GABPA: variants seen among roughly 807,000 people sequenced by gnomAD.
GABPA encodes GA-binding protein alpha chain.
GABPA carries 4 observed loss-of-function variants against 59.4 expected under a neutral mutation model. The ratio of observed to expected loss-of-function variants is 0.07; its 90% CI spans 0.03 to 0.15. The LOEUF is 0.15. Ranked by LOEUF, GABPA falls within the 10% of genes least tolerant of loss-of-function variation. The pLI is 1.00. For synonymous variants in GABPA, 164 were observed against 183.1 expected, an observed-to-expected ratio of 0.90 and a Z score of 0.84; for missense variants, 251 against 543.8, an observed-to-expected ratio of 0.46 and a Z score of 5.36.
At chr21:25,763,272 AT>A (rs1394518784) in intron 7 of GABPA, 58 of 375,910 alleles carry the variant, frequency 1.5e-4, no homozygotes, top group South Asian at 2.0e-4. Flanking sequence ...CTTTTGGGGC[AT>A]TTTTCCCCCC....
chr21:25,736,661 CTGT>C (rs2035074080), intron 1 of GABPA, among the ~76,000 whole-genome samples: 1 of 152,170 alleles, frequency 6.6e-6, no homozygotes, highest in East Asian at 1.9e-4. Context: ...TAAATTAAAA[CTGT>C]TGACTTTAGC....
At chr21:25,754,922 A>G (rs2035597509) in intron 5 of GABPA, among the ~76,000 whole-genome samples, 2 of 151,970 alleles carry the variant, frequency 1.3e-5, no homozygotes, top group South Asian at 4.1e-4. Flanking sequence ...GTGGTGGTAC[A>G]TGCCTGTAAT....
intron 6 of GABPA, among the ~76,000 whole-genome samples, chr21:25,759,013 T>A (rs569110363): frequency 6.6e-6 from 1 of 152,104 alleles, no homozygotes; most frequent in East Asian, 1.9e-4. Flanking sequence ...GAGGTTGCAG[T>A]GAGCTGAGAC....
rs2036018797 is a variant in GABPA, at chr21:25,772,020, T to G, written c.*2788T>G. The G allele has an allele frequency of 6.6e-6, 1 of 152,116 alleles. No individual in the cohort carries two copies. Among genetic ancestry groups the G allele is most frequent in the Non-Finnish European group, 1.5e-5 (1 of 67,930 alleles). 9.4% of individuals were successfully genotyped at this position (152,116 alleles called of 1,614,324 possible). ...TATTCAAGTATGATACAAAAAGAAT[T>G]GTACCACCAAATATTTTTGTGAGGT... On this transcript the variant is annotated 3_prime_UTR_variant, in exon 10 of 10. Coordinates refer to ENST00000400075, the MANE Select transcript of GABPA (RefSeq NM_002040.4).
chr21:25,752,360 T>C, intron 5 of GABPA, 126 bp downstream of exon 5: 4 of 1,005,044 alleles, frequency 4.0e-6, no homozygotes, highest in Non-Finnish European at 5.8e-6. Flanking sequence ...ATTTTCTGTA[T>C]CTCTCTTTTA....
At chr21:25,767,014 C>T (rs1182146077) in intron 9 of GABPA, among the ~76,000 whole-genome samples, 1 of 151,676 alleles carries the variant, frequency 6.6e-6, no homozygotes, top group Non-Finnish European at 1.5e-5. Context: ...GAATCCAGAC[C>T]CAAAAGACCA....
intron 1 of GABPA, among the ~76,000 whole-genome samples, chr21:25,738,331 G>T (rs1239704125): frequency 6.6e-6 from 1 of 152,004 alleles, no homozygotes; most frequent in Non-Finnish European, 1.5e-5. Context: ...GAGTTATTTT[G>T]GTTTCCCGTT....
intron 8 of GABPA, 64 bp downstream of exon 8, chr21:25,764,414 T>C: frequency 6.7e-7 from 1 of 1,486,268 alleles, no homozygotes; most frequent in Non-Finnish European, 9.1e-7. Flanking sequence ...TTTGTTGTAT[T>C]TTACTGTATG....
chr21:25,741,791 G>A (rs1366008852), intron 2 of GABPA, 116 bp downstream of exon 2: 2 of 611,266 alleles, frequency 3.3e-6, no homozygotes, highest in Non-Finnish European at 5.7e-6. Flanking sequence ...CAGTATTTTA[G>A]GGAATAATGT....
chr21:25,735,027 G>T lies in GABPA; in HGVS notation c.-578G>T. On this transcript the variant is annotated 5_prime_UTR_variant, in exon 1 of 10. Coordinates refer to ENST00000400075, the MANE Select transcript of GABPA (RefSeq NM_002040.4). ...TCTCGGAGACAGTCTGCGACCGGACGGGTCTAGGTGAGACAGAAGCCAAAC... is the reference window on the plus strand; with the variant it reads ...TCTCGGAGACAGTCTGCGACCGGACTGGTCTAGGTGAGACAGAAGCCAAAC... The T allele has an allele frequency of 3.3e-6, 5 of 1,496,994 alleles. No homozygotes were observed. The highest frequency in any genetic ancestry group is 3.6e-6 in the Non-Finnish European group (4 of 1,104,884). 92.7% of individuals were successfully genotyped at this position (1,496,994 alleles called of 1,614,324 possible).
At chr21:25,752,329 G>A (rs1216027849) in intron 5 of GABPA, 95 bp downstream of exon 5, 1 of 1,216,652 alleles carries the variant, frequency 8.2e-7, no homozygotes, top group Non-Finnish European at 1.1e-6. Context: ...TTTACATGTA[G>A]AGTTATTAGG....
Position 25,743,537 on chromosome 21 carries a change from G to A in GABPA, c.78-1673G>A, listed in dbSNP as rs187292831. Among the ~76,000 whole-genome samples, 310 of 151,526 alleles carry A rather than the reference G, an allele frequency of 2.0e-3. 1 individual carries two copies. Among genetic ancestry groups the A allele is most frequent in the African/African-American group, 7.3e-3 (302 of 41,290 alleles). Reference sequence around the variant, plus strand: ...AGGCAGTAATTGTCGTTCACCTAACGTAGATTTTTGCTGTGCAAGAATTTA... The same window carrying A: ...AGGCAGTAATTGTCGTTCACCTAACATAGATTTTTGCTGTGCAAGAATTTA... On this transcript the variant is annotated intron_variant, in intron 2 of 9. Transcript: ENST00000400075.
chr21:25,751,861 A>G, intron 4 of GABPA, 128 bp from the exon 5 acceptor site: 1 of 916,016 alleles, frequency 1.1e-6, no homozygotes. Context: ...CCAAATGTTA[A>G]CTTTTACTAC....
At chr21:25,745,553 G>C (rs2035340145) in intron 3 of GABPA, among the ~76,000 whole-genome samples, 199 bp downstream of exon 3, 1 of 152,064 alleles carries the variant, frequency 6.6e-6, no homozygotes. Context: ...TAAATATTTA[G>C]TACTAAAACA....
At chr21:25,764,465 C>T (rs2035842575) in intron 8 of GABPA, 115 bp downstream of exon 8, 3 of 1,419,148 alleles carry the variant, frequency 2.1e-6, no homozygotes, top group Middle Eastern at 2.5e-4. Flanking sequence ...AGTTTTTAGA[C>T]AGCATTTCTA....
intron 2 of GABPA, among the ~76,000 whole-genome samples, chr21:25,742,811 A>G (rs1295746568): frequency 1.3e-5 from 2 of 150,754 alleles, no homozygotes. Context: ...AGTCCCAGCT[A>G]CTCTGGAGGC....
intron 6 of GABPA, among the ~76,000 whole-genome samples, chr21:25,759,903 C>T (rs915008017): frequency 6.6e-6 from 1 of 152,162 alleles, no homozygotes; most frequent in Non-Finnish European, 1.5e-5. Flanking sequence ...CAGTCTTTCC[C>T]AGGTCAGCTG....
At chr21:25,739,578 C>G (rs1307966793) in intron 1 of GABPA, among the ~76,000 whole-genome samples, 1 of 152,192 alleles carries the variant, frequency 6.6e-6, no homozygotes, top group Non-Finnish European at 1.5e-5. Context: ...CTCTGGCTCT[C>G]TCTTCCAATT....
chr21:25,749,716 A>G (rs969297454), intron 4 of GABPA, among the ~76,000 whole-genome samples: 1 of 152,230 alleles, frequency 6.6e-6, no homozygotes, highest in African/African-American at 2.4e-5. Flanking sequence ...CTGTAATCCC[A>G]GCTACTTGGG....
Sources: allele counts gnomAD v4.1 joint callset (sites outside exome capture counted in the v4.1 genomes callset), GRCh38; gene constraint gnomAD v4.1.1; transcripts MANE v1.5; gene names NCBI Gene and HGNC (gene_info 2026-07-23, HGNC 2026-07-21).